FERMT2: variants seen among roughly 807,000 people sequenced by gnomAD.
The protein encoded by FERMT2 is fermitin family homolog 2.
In FERMT2, 15 loss-of-function variants were observed where a neutral mutation model predicts 82.7. The ratio of observed to expected loss-of-function variants is 0.18; its 90% CI spans 0.12 to 0.28. The LOEUF is 0.28. Among genes scored for constraint, FERMT2 ranks in the 10% least tolerant of loss-of-function variants. The pLI, the probability that FERMT2 is intolerant of heterozygous loss-of-function variation, is 1.00. For synonymous variants in FERMT2, 274 were observed against 271.5 expected, an observed-to-expected ratio of 1.01 and a Z score of -0.09; for missense variants, 645 against 809.4, an observed-to-expected ratio of 0.80 and a Z score of 2.46.
chr14:52,950,133 TC>T (rs1400512218), intron 2 of FERMT2, among the ~76,000 whole-genome samples: 1 of 152,150 alleles, frequency 6.6e-6, no homozygotes, highest in East Asian at 1.9e-4. Context: ...ATTAACGAGT[TC>T]CCCGGCACAC....
At chr14:52,880,124 T>G (rs1376713574) in intron 6 of FERMT2, among the ~76,000 whole-genome samples, 1 of 151,992 alleles carries the variant, frequency 6.6e-6, no homozygotes, top group Non-Finnish European at 1.5e-5. Context: ...CAGGTGTGGC[T>G]GGGTGAGCCT....
chr14:52,889,043 A>ATT (rs1886774137), intron 4 of FERMT2, among the ~76,000 whole-genome samples: 1 of 152,172 alleles, frequency 6.6e-6, no homozygotes, highest in South Asian at 2.1e-4. Context: ...TGGAAGCGGG[A>ATT]TGAGCCTGGG....
chr14:52,911,785 A>G (rs1425427847), intron 3 of FERMT2, among the ~76,000 whole-genome samples: 1 of 152,204 alleles, frequency 6.6e-6, no homozygotes, highest in Non-Finnish European at 1.5e-5. Flanking sequence ...GAATATTTAT[A>G]GCAATAACAG....
intron 3 of FERMT2, among the ~76,000 whole-genome samples, chr14:52,914,970 C>G (rs1888538474): frequency 6.6e-6 from 1 of 151,488 alleles, no homozygotes; most frequent in African/African-American, 2.4e-5. Context: ...ACAAGAAAAT[C>G]CAAGAGAATC....
intron 3 of FERMT2, among the ~76,000 whole-genome samples, chr14:52,897,714 C>A (rs1041437995): frequency 1.3e-5 from 2 of 152,130 alleles, no homozygotes; most frequent in Admixed American, 1.3e-4. Flanking sequence ...CGACGGCTCA[C>A]GCCTGTAATC....
chr14:52,867,052 TC>T (rs1885326359), intron 10 of FERMT2, among the ~76,000 whole-genome samples: 1 of 151,394 alleles, frequency 6.6e-6, no homozygotes, highest in Non-Finnish European at 1.5e-5. Context: ...GTTACCTCTT[TC>T]CCCCTTCCTT....
intron 12 of FERMT2, chr14:52,861,126 G>C: frequency 8.4e-7 from 1 of 1,195,656 alleles, no homozygotes; most frequent in Non-Finnish European, 1.2e-6. Flanking sequence ...AAAAAGTTGC[G>C]GTCACCTGCA....
chr14:52,914,264 G>A (rs779971045), intron 3 of FERMT2, among the ~76,000 whole-genome samples: 13 of 152,010 alleles, frequency 8.6e-5, no homozygotes, highest in Non-Finnish European at 1.9e-4. Context: ...CAGCTACTTG[G>A]GAGGCTGAGG....
intron 3 of FERMT2, among the ~76,000 whole-genome samples, chr14:52,905,737 A>G (rs1887968002): frequency 6.6e-6 from 1 of 152,188 alleles, no homozygotes. Flanking sequence ...TGCCTGGAGG[A>G]AGGGCAGAAA....
chr14:52,933,659 G>A (rs1227438567), intron 2 of FERMT2, among the ~76,000 whole-genome samples: 2 of 130,024 alleles, frequency 1.5e-5, no homozygotes, highest in East Asian at 2.3e-4. Flanking sequence ...GTGGTGAGCC[G>A]AGATCACGCC....
chr14:52,899,504 G>C (rs573907683), intron 3 of FERMT2, among the ~76,000 whole-genome samples: 11 of 152,120 alleles, frequency 7.2e-5, no homozygotes, highest in Non-Finnish European at 1.3e-4. Context: ...GGATAGTCAC[G>C]ATCTCCTGAC....
chr14:52,906,201 A>G (rs891849354), intron 3 of FERMT2, among the ~76,000 whole-genome samples: 1 of 152,150 alleles, frequency 6.6e-6, no homozygotes, highest in Non-Finnish European at 1.5e-5. Flanking sequence ...ACAGGAGAGA[A>G]GGGAGCTCCA....
At chr14:52,888,524 TACC>T (rs1482772719) in intron 4 of FERMT2, among the ~76,000 whole-genome samples, 1 of 152,258 alleles carries the variant, frequency 6.6e-6, no homozygotes, top group Non-Finnish European at 1.5e-5. Context: ...CTTCCAATTC[TACC>T]AGTAGCTTCT....
intron 4 of FERMT2, among the ~76,000 whole-genome samples, chr14:52,890,859 T>C (rs1181556911): frequency 6.6e-6 from 1 of 152,080 alleles, no homozygotes; most frequent in African/African-American, 2.4e-5. Context: ...CACCTCAGCC[T>C]CCCAAAAGTG....
chr14:52,874,490 A>C (rs1885828651), intron 8 of FERMT2, among the ~76,000 whole-genome samples: 1 of 152,222 alleles, frequency 6.6e-6, no homozygotes, highest in African/African-American at 2.4e-5. Flanking sequence ...TGCTATCTTT[A>C]ATAGTGCTGA....
Position 52,918,979 on chromosome 14 carries a change from C to T in FERMT2, c.391+144G>A, listed in dbSNP as rs2025635. The T allele has an allele frequency of 5.9e-3, 3,071 of 517,406 alleles. 42 individuals carry two copies. Among genetic ancestry groups the T allele is most frequent in the East Asian group, 0.042 (1,472 of 34,776 alleles). The allele number at this position is 517,406 out of a possible 1,614,324, so 32.1% of individuals were successfully genotyped here. A position where few individuals can be genotyped will look rare whatever the true frequency, so the allele number is the denominator to read the frequency against. On this transcript the variant is annotated intron_variant, in intron 3 of 14. Transcript: ENST00000341590. ...CCCAGCATTTATCTTAATATAAAAA[C>T]TTTAATGAAGTAGAAATTTCACACA...
chr14:52,861,802 G>C (rs552508776), intron 12 of FERMT2: 2 of 152,090 alleles, frequency 1.3e-5, no homozygotes, highest in African/African-American at 2.4e-5. Context: ...TAATTGAAGG[G>C]AATTAAAGTA....
intron 3 of FERMT2, among the ~76,000 whole-genome samples, chr14:52,913,770 G>A (rs578259018): frequency 2.0e-5 from 3 of 151,428 alleles, no homozygotes; most frequent in Non-Finnish European, 3.0e-5. Flanking sequence ...CAGTGTTAGC[G>A]TAACAACCTG....
intron 2 of FERMT2, among the ~76,000 whole-genome samples, chr14:52,936,074 G>A (rs769605899): frequency 2.6e-5 from 4 of 152,158 alleles, no homozygotes; most frequent in Non-Finnish European, 5.9e-5. Flanking sequence ...AGAAGACAGG[G>A]CTCGGAGTCC....
Sources: allele counts gnomAD v4.1 joint callset (sites outside exome capture counted in the v4.1 genomes callset), GRCh38; gene constraint gnomAD v4.1.1; transcripts MANE v1.5; gene names NCBI Gene and HGNC (gene_info 2026-07-23, HGNC 2026-07-21).